The following GALNT17 variants were observed in gnomAD, a reference collection of about 807,000 sequenced individuals.
The protein encoded by GALNT17 is UDP-GalNAc:polypeptide N-acetylgalactosaminyltransferase-like 3.
GALNT17 carries 29 observed loss-of-function variants against 63.7 expected under a neutral mutation model. That is an observed-to-expected ratio of 0.46 (90% CI 0.34 to 0.62). The LOEUF (loss-of-function observed/expected upper bound fraction) is 0.62. GALNT17 is among the 20% of genes least tolerant of loss of function. The pLI, the probability that GALNT17 is intolerant of heterozygous loss-of-function variation, is 0.01. For synonymous variants in GALNT17, 305 were observed against 318.3 expected (o/e 0.96, Z 0.45); for missense variants, 603 against 799.6 (o/e 0.75, Z 2.97).
intron 1 of GALNT17, among the ~76,000 whole-genome samples, chr7:71,193,925 A>C (rs1585871825): frequency 6.6e-6 from 1 of 152,244 alleles, no homozygotes; most frequent in Admixed American, 6.5e-5. Context: ...ACAAAGAGCT[A>C]TACTGGTTTC....
chr7:71,256,156 G>C (rs562320409), intron 1 of GALNT17, among the ~76,000 whole-genome samples: 13 of 152,268 alleles, frequency 8.5e-5, no homozygotes, highest in African/African-American at 3.1e-4. Context: ...TTACCAATCA[G>C]AAAATCTGAA....
At chr7:71,394,787 A>G (rs1483294949) in intron 3 of GALNT17, among the ~76,000 whole-genome samples, 2 of 152,074 alleles carry the variant, frequency 1.3e-5, no homozygotes, top group African/African-American at 2.4e-5. Context: ...GATGTAATTC[A>G]CATACCATAA....
intron 2 of GALNT17, among the ~76,000 whole-genome samples, chr7:71,385,019 C>G (rs1375076607): frequency 6.6e-6 from 1 of 152,114 alleles, no homozygotes; most frequent in African/African-American, 2.4e-5. Flanking sequence ...CCCTCATATC[C>G]CAGAACTCTG....
chr7:71,707,096 G>A (rs1300682318), intron 9 of GALNT17, among the ~76,000 whole-genome samples: 2 of 152,210 alleles, frequency 1.3e-5, no homozygotes, highest in African/African-American at 4.8e-5. Flanking sequence ...AACATATCTT[G>A]CAGAGTTGTT....
intron 9 of GALNT17, among the ~76,000 whole-genome samples, chr7:71,698,247 G>A (rs1791575343): frequency 6.6e-6 from 1 of 152,004 alleles, no homozygotes; most frequent in Non-Finnish European, 1.5e-5. Flanking sequence ...TCTGTCCTAT[G>A]ACAGACAGTC....
chr7:71,166,819 C>G (rs1788449177), intron 1 of GALNT17, among the ~76,000 whole-genome samples: 1 of 151,192 alleles, frequency 6.6e-6, no homozygotes, highest in Non-Finnish European at 1.5e-5. Flanking sequence ...TAGATATATG[C>G]TTTTTTTTTC....
chr7:71,624,391 C>T (rs1331040090), intron 6 of GALNT17, among the ~76,000 whole-genome samples: 1 of 152,136 alleles, frequency 6.6e-6, no homozygotes, highest in African/African-American at 2.4e-5. Context: ...AGCTGTGAGG[C>T]CGGTGCGTTC....
At chr7:71,540,905 G>C (rs1178285156) in intron 5 of GALNT17, among the ~76,000 whole-genome samples, 1 of 152,044 alleles carries the variant, frequency 6.6e-6, no homozygotes, top group African/African-American at 2.4e-5. Context: ...GTGCTTGCCT[G>C]CCCTGGATTC....
At chr7:71,680,519 TCTCCCTTCCTCCCTCCCTCC>T (rs1562734202) in intron 9 of GALNT17, among the ~76,000 whole-genome samples, 7 of 25,190 alleles carry the variant, frequency 2.8e-4, no homozygotes, top group Admixed American at 5.6e-4. Flanking sequence ...TCCCTCCCTC[TCTCCCTTCCTCCCTCCCTCC>T]CTTCCTCCCT....
At chr7:71,428,484 A>C (rs1380544382) in intron 5 of GALNT17, among the ~76,000 whole-genome samples, 1 of 151,964 alleles carries the variant, frequency 6.6e-6, no homozygotes, top group Non-Finnish European at 1.5e-5. Flanking sequence ...CTGTCACCCA[A>C]GCTGGAATGC....
chr7:71,323,872 C>A (rs1791658786), intron 1 of GALNT17, among the ~76,000 whole-genome samples: 1 of 152,170 alleles, frequency 6.6e-6, no homozygotes, highest in Admixed American at 6.5e-5. Flanking sequence ...TCACAAGAGA[C>A]CAGTGCTCAC....
At chr7:71,437,375 T>G (rs1026242202) in intron 5 of GALNT17, among the ~76,000 whole-genome samples, 20 of 152,182 alleles carry the variant, frequency 1.3e-4, no homozygotes, top group Admixed American at 3.9e-4. Flanking sequence ...TCCCCATATT[T>G]CTTTAAAACA....
intron 5 of GALNT17, among the ~76,000 whole-genome samples, chr7:71,520,978 T>G (rs763023055): frequency 6.6e-6 from 1 of 152,118 alleles, no homozygotes; most frequent in African/African-American, 2.4e-5. Flanking sequence ...AGTTCAGTCT[T>G]CAGACACTGT....
chr7:71,515,230 G>A (rs965170220), intron 5 of GALNT17, among the ~76,000 whole-genome samples: 3 of 152,178 alleles, frequency 2.0e-5, no homozygotes, highest in Admixed American at 6.5e-5. Context: ...AGAGAGAAAT[G>A]CCTTAGGAGC....
rs931843516 is a variant in GALNT17 at position 71,573,887 on chromosome 7, G to A, written c.1080+2485G>A. Among the ~76,000 whole-genome samples the A allele has an allele frequency of 3.3e-5, 5 of 152,152 alleles. No individual in the cohort carries two copies. In the South Asian group the frequency reaches 8.3e-4, roughly 25 times the overall value. Reference sequence around the variant, plus strand: ...GGTTCCCTTCTTTGTGATGATATGTGCTCAATGTTCAGTTCCCACTTATAC... The same window carrying A: ...GGTTCCCTTCTTTGTGATGATATGTACTCAATGTTCAGTTCCCACTTATAC... On this transcript the variant is annotated intron_variant, in intron 6 of 10. Transcript: ENST00000333538.
intron 5 of GALNT17, among the ~76,000 whole-genome samples, chr7:71,501,491 T>C (rs187070628): frequency 4.6e-5 from 7 of 152,170 alleles, no homozygotes; most frequent in African/African-American, 1.7e-4. Flanking sequence ...TGGTCTCAAA[T>C]TTCTGGCCTC....
At chr7:71,269,100 C>A (rs2115683352) in intron 1 of GALNT17, among the ~76,000 whole-genome samples, 1 of 152,254 alleles carries the variant, frequency 6.6e-6, no homozygotes, top group African/African-American at 2.4e-5. Context: ...GAACCCTCAG[C>A]CGGGCCCTTT....
intron 1 of GALNT17, among the ~76,000 whole-genome samples, chr7:71,252,247 C>A (rs1166257871): frequency 6.6e-6 from 1 of 150,888 alleles, no homozygotes; most frequent in Admixed American, 6.6e-5. Context: ...AAAGATGAGG[C>A]CGGGTGCAGT....
chr7:71,679,914 T>TCCC lies in GALNT17; in HGVS notation c.1500+2608_1500+2609insCCC, dbSNP rs1391804698. ...CCTCCCTCCCTCCCTCCCTCCCTCC[T>TCCC]TCTCTCCCTTCCTCCTCCCTCTCTC... On this transcript the variant is annotated intron_variant, in intron 9 of 10. Coordinates refer to ENST00000333538, the MANE Select transcript of GALNT17 (RefSeq NM_022479.3). 2.7e-4 allele frequency among the ~76,000 whole-genome samples: 8 copies of TCCC among 29,452 alleles called. 1 individual carries two copies. Among genetic ancestry groups the TCCC allele is most frequent in the African/African-American group, 9.0e-4 (5 of 5,578 alleles). 19.3% of individuals were successfully genotyped at this position (29,452 alleles called of 152,430 possible).
Sources: allele counts gnomAD v4.1 joint callset (sites outside exome capture counted in the v4.1 genomes callset), GRCh38; gene constraint gnomAD v4.1.1; transcripts MANE v1.5; gene names NCBI Gene and HGNC (gene_info 2026-07-23, HGNC 2026-07-21).